The following CEP63 variants were observed in gnomAD, a reference collection of about 807,000 sequenced individuals.
The protein encoded by CEP63 is centrosomal protein of 63 kDa.
A neutral mutation model predicts 89.1 loss-of-function variants in CEP63; 84 were observed. The observed-to-expected ratio is 0.94, with a 90% CI of 0.79 to 1.13. CEP63 has a LOEUF of 1.13. Among genes scored for constraint, CEP63 ranks in the 50% most tolerant of loss-of-function variants. The pLI is 0.00. For missense variants in CEP63, 838 were observed against 813.3 expected (o/e 1.03, Z -0.37); for synonymous variants, 267 against 272.5 (o/e 0.98, Z 0.20).
At chr3:134,577,020 G>A (rs1958229929), downstream of CEP63, among the ~76,000 whole-genome samples, 1 of 152,188 alleles carries the variant, frequency 6.6e-6, no homozygotes, top group South Asian at 2.1e-4. Context: ...GCTCACACTA[G>A]TGTTGGCGTA....
chr3:134,526,340 G>C lies in CEP63; in HGVS notation c.223-5505G>C, dbSNP rs146727351. Among the ~76,000 whole-genome samples the C allele has an allele frequency of 1.2e-3, 176 of 152,032 alleles. 1 individual carries two copies. Among genetic ancestry groups the C allele is most frequent in the African/African-American group, 4.1e-3 (169 of 41,422 alleles). On this transcript the variant is annotated intron_variant, in intron 3 of 14. Coordinates refer to ENST00000675561, the MANE Select transcript of CEP63 (RefSeq NM_001353108.3). The stretch of plus-strand genomic sequence containing the variant: ...GTCTGTCAGTGACTGTCTTATTTCA[G>C]AAAGCCAGTCTTCAGGCTCTGAGAT...
At chr3:134,487,238 ATT>A (rs1377406543) in intron 1 of CEP63, among the ~76,000 whole-genome samples, 1 of 151,982 alleles carries the variant, frequency 6.6e-6, no homozygotes, top group Non-Finnish European at 1.5e-5. Context: ...AAGTGTATAT[ATT>A]TTCTTATTTG....
chr3:134,643,196 G>C, the CEP63 span: 1 of 856,184 alleles, frequency 1.2e-6, no homozygotes, highest in South Asian at 1.6e-5. Context: ...ACACCCATGG[G>C]AGCAGAGAGG....
chr3:134,642,293 G>GGGAAATCA, the CEP63 span, among the ~76,000 whole-genome samples: 373 of 152,302 alleles, frequency 2.4e-3, 2 homozygotes, highest in Middle Eastern at 0.014. Context: ...TGGGGCATGG[G>GGGAAATCA]GGAAATCACT....
At chr3:134,674,101 T>C in the CEP63 span, among the ~76,000 whole-genome samples, 1 of 152,264 alleles carries the variant, frequency 6.6e-6, no homozygotes, top group Non-Finnish European at 1.5e-5. Context: ...TTTAGTGTAC[T>C]GTTGGGGTGA....
At chr3:134,522,634 C>T (rs1947722658) in intron 3 of CEP63, among the ~76,000 whole-genome samples, 3 of 152,116 alleles carry the variant, frequency 2.0e-5, no homozygotes. Context: ...CTCCAGTAAG[C>T]CTCAGTATGT....
At chr3:134,527,024 A>G (rs2177602) in intron 3 of CEP63, among the ~76,000 whole-genome samples, 100,175 of 151,914 alleles carry the variant, frequency 0.66, 33,414 homozygotes, top group East Asian at 0.81. Flanking sequence ...ACTACACCAC[A>G]ATGGGTGGTG....
At chr3:134,753,947 T>G in the CEP63 span, among the ~76,000 whole-genome samples, 1 of 152,212 alleles carries the variant, frequency 6.6e-6, no homozygotes, top group Non-Finnish European at 1.5e-5. Flanking sequence ...GGTTTGTGCT[T>G]GCACGTGGGG....
At chr3:134,703,594 G>GC in the CEP63 span, among the ~76,000 whole-genome samples, 1 of 152,016 alleles carries the variant, frequency 6.6e-6, no homozygotes, top group Non-Finnish European at 1.5e-5. Flanking sequence ...TGGACACATG[G>GC]CCGGGGGGAA....
the CEP63 span, among the ~76,000 whole-genome samples, chr3:134,630,760 T>C: frequency 6.6e-6 from 1 of 152,122 alleles, no homozygotes; most frequent in Non-Finnish European, 1.5e-5. Context: ...CTAGGAAGAC[T>C]CAGGAAAGTC....
At chr3:134,712,770 A>T in the CEP63 span, among the ~76,000 whole-genome samples, 2 of 152,030 alleles carry the variant, frequency 1.3e-5, no homozygotes, top group Admixed American at 1.3e-4. Context: ...CAGGTATTTG[A>T]TGTTTTCTGG....
the CEP63 span, among the ~76,000 whole-genome samples, chr3:134,640,835 G>T: frequency 6.6e-6 from 1 of 152,176 alleles, no homozygotes; most frequent in Non-Finnish European, 1.5e-5. Flanking sequence ...CTCTCTTGCT[G>T]GATTATCACA....
downstream of CEP63, among the ~76,000 whole-genome samples, chr3:134,575,985 C>T (rs1958205436): frequency 6.6e-6 from 1 of 152,178 alleles, no homozygotes; most frequent in Admixed American, 6.5e-5. Context: ...TTAATACTTG[C>T]ATTTTATTTT....
intron 11 of CEP63, among the ~76,000 whole-genome samples, chr3:134,572,663 G>A (rs575539308): frequency 1.1e-4 from 16 of 152,296 alleles, no homozygotes; most frequent in African/African-American, 3.6e-4. Context: ...CTATTGATGG[G>A]CACCTGGGTT....
intron 13 of CEP63, 39 bp from the exon 14 acceptor site, chr3:134,559,111 C>T (rs1956841872): frequency 6.2e-7 from 1 of 1,608,770 alleles, no homozygotes; most frequent in Non-Finnish European, 8.5e-7. Context: ...AAAGTTGCTA[C>T]AATTTTTTAT....
At chr3:134,664,013 G>A in the CEP63 span, among the ~76,000 whole-genome samples, 2 of 152,200 alleles carry the variant, frequency 1.3e-5, no homozygotes, top group South Asian at 2.1e-4. Flanking sequence ...CTGCTGGGCT[G>A]CTGCAGGGGT....
intron 3 of CEP63, among the ~76,000 whole-genome samples, chr3:134,526,648 T>C (rs573645470): frequency 6.6e-6 from 1 of 152,326 alleles, no homozygotes; most frequent in Non-Finnish European, 1.5e-5. Flanking sequence ...GGAGAAGTGA[T>C]ATGGTTGTTT....
chr3:134,707,659 G>A, the CEP63 span, among the ~76,000 whole-genome samples: 1 of 151,674 alleles, frequency 6.6e-6, no homozygotes, highest in Non-Finnish European at 1.5e-5. Flanking sequence ...CGGTGATGTT[G>A]AACAGTGCAG....
At chr3:134,696,280 G>A in the CEP63 span, among the ~76,000 whole-genome samples, 1 of 152,178 alleles carries the variant, frequency 6.6e-6, no homozygotes, top group African/African-American at 2.4e-5. Flanking sequence ...TCTTTTGCTT[G>A]TGCATTCTCT....
Sources: gnomAD v4.1 joint callset for allele counts (sites outside exome capture counted in the v4.1 genomes callset) on GRCh38, gnomAD v4.1.1 for gene constraint, MANE v1.5 for transcripts, NCBI Gene and HGNC (gene_info 2026-07-23, HGNC 2026-07-21) for gene names.